ASIC2: variants seen among roughly 807,000 people sequenced by gnomAD.
ASIC2 encodes acid-sensing ion channel 2.
A neutral mutation model predicts 57.3 loss-of-function variants in ASIC2; 25 were observed. The observed-to-expected ratio is 0.44, with a 90% CI of 0.32 to 0.61. The LOEUF (loss-of-function observed/expected upper bound fraction) is 0.61, where lower values mean the gene tolerates loss of function less well. Ranked by LOEUF, ASIC2 falls within the 20% of genes least tolerant of loss-of-function variation. The pLI is 0.06. For synonymous variants in ASIC2, 319 were observed against 307.5 expected (o/e 1.04, Z -0.39); for missense variants, 641 against 738.1 (o/e 0.87, Z 1.52).
At position 33,841,996 on chromosome 17, in the gene ASIC2, C is replaced by T. The variant is rs539121314; in HGVS notation, c.555+313982G>A. 6.5e-4 allele frequency among the ~76,000 whole-genome samples: 98 copies of T among 151,928 alleles called. 2 individuals carry two copies. In the South Asian group the frequency reaches 7.5e-3, roughly 12 times the overall value. ...ATCCACCTTATGTACGGTCCAGTGGCGGAGGGCTAGACAACATATCCGCCT... is the reference window on the plus strand; with the variant it reads ...ATCCACCTTATGTACGGTCCAGTGGTGGAGGGCTAGACAACATATCCGCCT... On this transcript the variant is annotated intron_variant, in intron 1 of 9. Transcript: ENST00000359872.
At chr17:33,787,020 T>C (rs1339397757) in intron 1 of ASIC2, among the ~76,000 whole-genome samples, 1 of 152,228 alleles carries the variant, frequency 6.6e-6, no homozygotes, top group Non-Finnish European at 1.5e-5. Flanking sequence ...TGGATGAGAC[T>C]GATTTACAGA....
intron 1 of ASIC2, among the ~76,000 whole-genome samples, chr17:33,592,826 A>C (rs1179450550): frequency 6.6e-6 from 1 of 152,172 alleles, no homozygotes; most frequent in Non-Finnish European, 1.5e-5. Context: ...CAACTCAGGG[A>C]GTAGAAGGTC....
At chr17:33,524,607 C>T (rs886092294) in intron 1 of ASIC2, among the ~76,000 whole-genome samples, 5 of 152,074 alleles carry the variant, frequency 3.3e-5, no homozygotes, top group East Asian at 1.9e-4. Flanking sequence ...ATATGGCTAA[C>T]GAGGATGGTG....
Position 33,291,881 on chromosome 17 carries a change from C to A in ASIC2, c.235G>T (p.Ala79Ser), listed in dbSNP as rs760670984. The change falls in exon 1 of 10, where the codon GCT becomes TCT. Residue 79 changes from alanine (A) to serine (S), a missense_variant. Coordinates refer to ENST00000225823, the MANE Select transcript of ASIC2 (RefSeq NM_183377.2). ...LRHMCAGRTA[A>S]GGSFQRRALW... is the part of the protein sequence containing the mutation. ...GCCCGCCGCTGGAAGGAGCCCCCAG[C>A]CGCCGTGCGCCCGGCACACATGTGC... 1.2e-6 allele frequency: 2 copies of A among 1,605,940 alleles called. No homozygotes were observed. Among genetic ancestry groups the A allele is most frequent in the Admixed American group, 1.7e-5 (1 of 59,766 alleles).
intron 1 of ASIC2, among the ~76,000 whole-genome samples, chr17:34,099,690 A>G (rs1389526666): frequency 2.0e-5 from 3 of 149,236 alleles, no homozygotes; most frequent in Non-Finnish European, 4.4e-5. Context: ...GAAAAGAAAG[A>G]GAAGAAAGAA....
chr17:33,224,851 G>A (rs1466534702), intron 1 of ASIC2, among the ~76,000 whole-genome samples: 1 of 152,194 alleles, frequency 6.6e-6, no homozygotes. Flanking sequence ...TTGGGGTATA[G>A]GTGGGCAAAG....
chr17:33,602,617 T>C (rs1339489108), intron 1 of ASIC2, among the ~76,000 whole-genome samples: 2 of 152,164 alleles, frequency 1.3e-5, no homozygotes, highest in African/African-American at 2.4e-5. Context: ...CCCCCACCCA[T>C]TCATAGGACA....
intron 1 of ASIC2, among the ~76,000 whole-genome samples, chr17:33,619,746 T>C (rs1056039891): frequency 6.6e-6 from 1 of 152,188 alleles, no homozygotes; most frequent in South Asian, 2.1e-4. Context: ...CAGAGCTACG[T>C]TCTTCTGTTT....
intron 1 of ASIC2, among the ~76,000 whole-genome samples, chr17:34,129,487 C>G (rs1911889489): frequency 6.6e-6 from 1 of 152,222 alleles, no homozygotes; most frequent in Non-Finnish European, 1.5e-5. Context: ...GGGTAGGAAC[C>G]TCTTCCACAC....
At chr17:33,767,166 G>A (rs867059824) in intron 1 of ASIC2, among the ~76,000 whole-genome samples, 1 of 152,186 alleles carries the variant, frequency 6.6e-6, no homozygotes, top group Middle Eastern at 3.2e-3. Flanking sequence ...TGTCTCTGGT[G>A]CCTCATTGTG....
chr17:33,146,528 T>C (rs1904570794), intron 1 of ASIC2, among the ~76,000 whole-genome samples: 1 of 152,216 alleles, frequency 6.6e-6, no homozygotes, highest in South Asian at 2.1e-4. Context: ...CTCTGGAATC[T>C]GAATAGGTAA....
chr17:33,985,201 T>C (rs1357494695), intron 1 of ASIC2, among the ~76,000 whole-genome samples: 1 of 152,162 alleles, frequency 6.6e-6, no homozygotes, highest in African/African-American at 2.4e-5. Context: ...CAGGAACACC[T>C]TGGATAGACC....
chr17:34,150,113 A>G (rs1904461210), intron 1 of ASIC2, among the ~76,000 whole-genome samples: 1 of 152,246 alleles, frequency 6.6e-6, no homozygotes. Flanking sequence ...GGAGGACACT[A>G]TGCAAAGTGA....
chr17:33,958,477 G>A (rs542489747), intron 1 of ASIC2, among the ~76,000 whole-genome samples: 16 of 142,742 alleles, frequency 1.1e-4, no homozygotes, highest in Non-Finnish European at 2.4e-4. Context: ...CTTGTCTTCT[G>A]TGCACCCACA....
At chr17:33,857,437 G>A (rs1479819929) in intron 1 of ASIC2, among the ~76,000 whole-genome samples, 1 of 152,084 alleles carries the variant, frequency 6.6e-6, no homozygotes, top group African/African-American at 2.4e-5. Flanking sequence ...TCTGTCACAG[G>A]TTCCATCCCC....
chr17:33,498,380 G>A (rs536495035), intron 1 of ASIC2, among the ~76,000 whole-genome samples: 1 of 152,346 alleles, frequency 6.6e-6, no homozygotes, highest in African/African-American at 2.4e-5. Context: ...GTGGAGCGTG[G>A]CTGCTGTAGG....
chr17:33,750,339 C>A (rs941149321), intron 1 of ASIC2, among the ~76,000 whole-genome samples: 1 of 152,032 alleles, frequency 6.6e-6, no homozygotes, highest in African/African-American at 2.4e-5. Context: ...GAGGGGGAAA[C>A]GGTGGTTCCT....
At position 34,019,155 on chromosome 17, in the gene ASIC2, T is replaced by G. The variant is rs1283730749; in HGVS notation, c.555+136823A>C. Among the ~76,000 whole-genome samples, 5 of 152,040 alleles carry G rather than the reference T, an allele frequency of 3.3e-5. No individual in the cohort carries two copies. In the East Asian group the frequency reaches 5.8e-4, roughly 18 times the overall value. On this transcript the variant is annotated intron_variant, in intron 1 of 9. Transcript: ENST00000359872. ...GATCTCCTGACCTCATGATCCGCCC[T>G]CCTTGGCCTCTCAAAGTGCGGGATT... is the stretch of plus-strand genomic sequence containing the variant.
chr17:33,091,758 G>C (rs143735472), intron 2 of ASIC2, among the ~76,000 whole-genome samples: 1 of 152,302 alleles, frequency 6.6e-6, no homozygotes, highest in African/African-American at 2.4e-5. Flanking sequence ...ATGGACATGA[G>C]TGGGAGCAGG....
Sources: allele counts gnomAD v4.1 joint callset (sites outside exome capture counted in the v4.1 genomes callset), GRCh38; gene constraint gnomAD v4.1.1; transcripts MANE v1.5; gene names NCBI Gene and HGNC (gene_info 2026-07-23, HGNC 2026-07-21).